The following PTPN2 variants were observed in gnomAD, a reference collection of about 807,000 sequenced individuals.
The protein encoded by PTPN2 is protein tyrosine phosphatase non-receptor type 2.
In PTPN2, 19 loss-of-function variants were observed where a neutral mutation model predicts 57.3. That is an observed-to-expected ratio of 0.33 (90% CI 0.23 to 0.49). PTPN2 has a LOEUF of 0.49. Among genes scored for constraint, PTPN2 ranks in the 20% least tolerant of loss-of-function variants. The pLI is 0.99. For synonymous variants in PTPN2, 153 were observed against 164.9 expected (o/e 0.93, Z 0.55); for missense variants, 358 against 501.1 (o/e 0.71, Z 2.73).
chr18:12,831,917 T>C (rs991001254), intron 3 of PTPN2, among the ~76,000 whole-genome samples: 4 of 152,210 alleles, frequency 2.6e-5, no homozygotes, highest in South Asian at 4.1e-4. Flanking sequence ...GAAAAGCCTA[T>C]GTACAAATTT....
intron 8 of PTPN2, among the ~76,000 whole-genome samples, chr18:12,799,169 A>G (rs1275667472): frequency 6.6e-6 from 1 of 152,166 alleles, no homozygotes; most frequent in Non-Finnish European, 1.5e-5. Flanking sequence ...CTGTAATCCC[A>G]GCACTTTGGG....
At chr18:12,791,368 G>T (rs1386050858), downstream of PTPN2, among the ~76,000 whole-genome samples, 2 of 152,078 alleles carry the variant, frequency 1.3e-5, no homozygotes, top group African/African-American at 4.8e-5. Context: ...TCAAGTCAAA[G>T]TATATATCTG....
downstream of PTPN2, among the ~76,000 whole-genome samples, chr18:12,789,978 G>A (rs1225968171): frequency 2.0e-5 from 3 of 152,084 alleles, no homozygotes; most frequent in Middle Eastern, 3.4e-3. Flanking sequence ...TACTGCCCAG[G>A]CTGGAGTGCA....
At chr18:12,855,666 G>A (rs2043564217) in intron 2 of PTPN2, among the ~76,000 whole-genome samples, 1 of 152,184 alleles carries the variant, frequency 6.6e-6, no homozygotes, top group African/African-American at 2.4e-5. Context: ...CAGTGGGGCA[G>A]ACGAGGGCAT....
At chr18:12,788,212 G>A (rs996363459), downstream of PTPN2, 3 of 154,320 alleles carry the variant, frequency 1.9e-5, no homozygotes, top group African/African-American at 7.2e-5. Context: ...TTAAAAAATG[G>A]TCTGTATAAA....
At chr18:12,819,756 G>A (rs2042208846) in intron 5 of PTPN2, among the ~76,000 whole-genome samples, 1 of 149,152 alleles carries the variant, frequency 6.7e-6, no homozygotes, top group African/African-American at 2.5e-5. Context: ...CAGCAGGTGG[G>A]CAGTTAATAC....
intron 1 of PTPN2, 75 bp downstream of exon 1, chr18:12,883,998 G>T: frequency 1.5e-6 from 2 of 1,332,628 alleles, no homozygotes; most frequent in Non-Finnish European, 1.0e-6. Flanking sequence ...GGGGAGGCGG[G>T]AGGGACCCTG....
chr18:12,791,315 A>T (rs1489991292), downstream of PTPN2, among the ~76,000 whole-genome samples: 3 of 151,992 alleles, frequency 2.0e-5, no homozygotes, highest in Non-Finnish European at 4.4e-5. Flanking sequence ...TAAAAGAAAC[A>T]TTTTTTTTAT....
chr18:12,849,117 C>A (rs1010883398), intron 2 of PTPN2, among the ~76,000 whole-genome samples: 1 of 152,166 alleles, frequency 6.6e-6, no homozygotes, highest in Non-Finnish European at 1.5e-5. Context: ...GATGTTGTTG[C>A]AGTTATCTCT....
At chr18:12,879,787 T>G (rs531548811) in intron 1 of PTPN2, among the ~76,000 whole-genome samples, 1 of 152,336 alleles carries the variant, frequency 6.6e-6, no homozygotes, top group East Asian at 1.9e-4. Flanking sequence ...CAAGTCCAGC[T>G]TTTAGTTGTA....
intron 5 of PTPN2, chr18:12,819,339 T>C: frequency 2.6e-6 from 2 of 768,392 alleles, no homozygotes; most frequent in South Asian, 4.0e-5. Flanking sequence ...GTTTCTACGC[T>C]TTAAGACATT....
downstream of PTPN2, chr18:12,788,299 T>C (rs2040893872): frequency 6.6e-6 from 1 of 152,290 alleles, no homozygotes; most frequent in Non-Finnish European, 1.5e-5. Context: ...CGTGAAGCAG[T>C]TTCTGTAACA....
At chr18:12,872,759 G>C (rs2044313585) in intron 1 of PTPN2, among the ~76,000 whole-genome samples, 1 of 152,176 alleles carries the variant, frequency 6.6e-6, no homozygotes, top group Non-Finnish European at 1.5e-5. Flanking sequence ...ATCTTTAAAA[G>C]CAAGGATTTC....
intron 5 of PTPN2, among the ~76,000 whole-genome samples, chr18:12,820,387 G>C (rs543014192): frequency 6.6e-6 from 1 of 151,866 alleles, no homozygotes; most frequent in South Asian, 2.1e-4. Flanking sequence ...ACCACACGAA[G>C]GCATAAGATG....
At chr18:12,875,453 T>C (rs2044456134) in intron 1 of PTPN2, among the ~76,000 whole-genome samples, 1 of 152,224 alleles carries the variant, frequency 6.6e-6, no homozygotes, top group African/African-American at 2.4e-5. Context: ...AAATTTTACA[T>C]GCTAAACTGA....
intron 7 of PTPN2, among the ~76,000 whole-genome samples, chr18:12,811,977 A>G (rs1036431508): frequency 2.0e-5 from 3 of 152,192 alleles, no homozygotes; most frequent in Non-Finnish European, 4.4e-5. Context: ...TTAAACTTCA[A>G]ATCCTCTGTA....
At chr18:12,815,718 TGTTTA>T (rs964271475) in intron 6 of PTPN2, among the ~76,000 whole-genome samples, 22 of 152,250 alleles carry the variant, frequency 1.4e-4, no homozygotes, top group African/African-American at 4.8e-4. Context: ...GTAATACAGA[TGTTTA>T]GTTAAGACTC....
At chr18:12,825,696 ATAC>A in intron 5 of PTPN2, 111 bp downstream of exon 5, 1 of 942,210 alleles carries the variant, frequency 1.1e-6, no homozygotes, top group Admixed American at 2.7e-5. Context: ...TTATGGCTAG[ATAC>A]TATAGGAATT....
At chr18:12,845,583 T>A (rs1443157170) in intron 2 of PTPN2, among the ~76,000 whole-genome samples, 1 of 152,216 alleles carries the variant, frequency 6.6e-6, no homozygotes, top group Non-Finnish European at 1.5e-5. Flanking sequence ...AGGACATTGT[T>A]GGGTAGATTC....
Sources: gnomAD v4.1 joint callset for allele counts (sites outside exome capture counted in the v4.1 genomes callset) on GRCh38, gnomAD v4.1.1 for gene constraint, MANE v1.5 for transcripts, NCBI Gene and HGNC (gene_info 2026-07-23, HGNC 2026-07-21) for gene names.